The following CDKAL1 variants were observed in gnomAD, a reference collection of about 807,000 sequenced individuals.
CDKAL1 encodes CDKAL1 threonylcarbamoyladenosine tRNA methylthiotransferase, also known as threonylcarbamoyladenosine tRNA methylthiotransferase.
A neutral mutation model predicts 68.2 loss-of-function variants in CDKAL1; 32 were observed. The ratio of observed to expected loss-of-function variants is 0.47; its 90% CI spans 0.35 to 0.63. The LOEUF is 0.63. CDKAL1 is among the 30% of genes least tolerant of loss of function. CDKAL1 has a pLI of 0.00. For missense variants in CDKAL1, 606 were observed against 696.7 expected (o/e 0.87, Z 1.47); for synonymous variants, 234 against 244.3 (o/e 0.96, Z 0.39).
chr6:20,870,771 G>A (rs1361434434), intron 9 of CDKAL1, among the ~76,000 whole-genome samples: 1 of 152,142 alleles, frequency 6.6e-6, no homozygotes, highest in African/African-American at 2.4e-5. Context: ...AATTGAAATT[G>A]AAAGTGTCAA....
chr6:20,753,171 C>A (rs1225440124), intron 6 of CDKAL1, among the ~76,000 whole-genome samples: 1 of 152,168 alleles, frequency 6.6e-6, no homozygotes, highest in Non-Finnish European at 1.5e-5. Context: ...AACTGCCTTT[C>A]ATTCTCCCTC....
intron 12 of CDKAL1, among the ~76,000 whole-genome samples, chr6:21,081,091 T>A (rs1243674239): frequency 2.0e-5 from 3 of 152,206 alleles, no homozygotes; most frequent in South Asian, 2.1e-4. Flanking sequence ...AAAATCATTT[T>A]AAAAAAATGC....
At chr6:20,844,806 T>C (rs1778315086) in intron 8 of CDKAL1, among the ~76,000 whole-genome samples, 2 of 152,098 alleles carry the variant, frequency 1.3e-5, no homozygotes, top group African/African-American at 4.8e-5. Context: ...GACAATAGAA[T>C]GGTTTTCCCT....
chr6:20,805,507 GC>G (rs1328548111), intron 8 of CDKAL1, among the ~76,000 whole-genome samples: 1 of 152,166 alleles, frequency 6.6e-6, no homozygotes, highest in Non-Finnish European at 1.5e-5. Flanking sequence ...CACTTTTAAG[GC>G]ACAGTGGAGT....
chr6:21,036,133 T>C (rs1037032093), intron 11 of CDKAL1, among the ~76,000 whole-genome samples: 1 of 152,212 alleles, frequency 6.6e-6, no homozygotes, highest in Non-Finnish European at 1.5e-5. Context: ...GCATGGTAAC[T>C]GCATAAAGCA....
intron 7 of CDKAL1, among the ~76,000 whole-genome samples, chr6:20,764,525 A>G (rs1459504619): frequency 1.3e-5 from 2 of 152,210 alleles, no homozygotes; most frequent in Admixed American, 6.5e-5. Flanking sequence ...AGACATTGCT[A>G]CTAATCTTCA....
chr6:20,821,817 G>A (rs1777290398), intron 8 of CDKAL1, among the ~76,000 whole-genome samples: 2 of 152,036 alleles, frequency 1.3e-5, no homozygotes, highest in South Asian at 4.1e-4. Flanking sequence ...AACTTAACTT[G>A]GTACCTGACA....
At chr6:21,222,450 C>T (rs1779573550) in intron 15 of CDKAL1, among the ~76,000 whole-genome samples, 2 of 152,194 alleles carry the variant, frequency 1.3e-5, no homozygotes, top group African/African-American at 4.8e-5. Flanking sequence ...TTAATTCCAA[C>T]TTCAATTTGT....
chr6:20,941,359 G>A (rs577760826), intron 9 of CDKAL1, among the ~76,000 whole-genome samples: 13 of 152,062 alleles, frequency 8.5e-5, no homozygotes, highest in African/African-American at 3.1e-4. Context: ...CACTAAATTG[G>A]CATTAAAAAC....
intron 5 of CDKAL1, among the ~76,000 whole-genome samples, chr6:20,687,839 C>G (rs1770694314): frequency 6.6e-6 from 1 of 151,974 alleles, no homozygotes; most frequent in Non-Finnish European, 1.5e-5. Flanking sequence ...TTCTCTAGAT[C>G]CAAATTTCTG....
At chr6:20,639,076 T>G (rs1768041897) in intron 4 of CDKAL1, among the ~76,000 whole-genome samples, 1 of 152,186 alleles carries the variant, frequency 6.6e-6, no homozygotes, top group African/African-American at 2.4e-5. Context: ...CTGATTTGAC[T>G]ATGACCAGGC....
chr6:21,189,394 C>G lies in CDKAL1; in HGVS notation c.1300-8627C>G, dbSNP rs1562102577. 2.6e-5 allele frequency among the ~76,000 whole-genome samples: 4 copies of G among 152,332 alleles called. 1 individual carries two copies. Among genetic ancestry groups the G allele is most frequent in the Admixed American group, 2.6e-4 (4 of 15,300 alleles). On this transcript the variant is annotated intron_variant, in intron 13 of 15. Transcript: ENST00000274695. ...ATATATACTTAAAAATATGGCTACT[C>G]CACTTCAAAGGAACATTCTTCCCCT...
intron 12 of CDKAL1, among the ~76,000 whole-genome samples, chr6:21,107,314 G>A (rs1773898824): frequency 6.6e-6 from 1 of 152,204 alleles, no homozygotes; most frequent in South Asian, 2.1e-4. Flanking sequence ...GGTTGTCACA[G>A]ATACACTAAG....
chr6:20,724,631 G>T (rs957827436), intron 5 of CDKAL1, among the ~76,000 whole-genome samples: 1 of 152,090 alleles, frequency 6.6e-6, no homozygotes, highest in South Asian at 2.1e-4. Flanking sequence ...CCTGGGGGGC[G>T]GAGGTTGCAG....
intron 6 of CDKAL1, among the ~76,000 whole-genome samples, chr6:20,740,301 G>T (rs1773391492): frequency 6.6e-6 from 1 of 152,070 alleles, no homozygotes; most frequent in Non-Finnish European, 1.5e-5. Flanking sequence ...TCTTCCCGTT[G>T]TATTTCTGTT....
intron 7 of CDKAL1, among the ~76,000 whole-genome samples, chr6:20,760,478 A>G (rs770455785): frequency 5.3e-5 from 8 of 152,324 alleles, no homozygotes; most frequent in Non-Finnish European, 5.9e-5. Flanking sequence ...AACCTTCATA[A>G]TAGTACTGTG....
chr6:21,161,035 T>C (rs1776904225), intron 13 of CDKAL1, among the ~76,000 whole-genome samples: 1 of 152,058 alleles, frequency 6.6e-6, no homozygotes, highest in Non-Finnish European at 1.5e-5. Flanking sequence ...GAAGCCCCTT[T>C]TGTTGGCTGG....
chr6:21,159,501 G>A (rs1005132577), intron 13 of CDKAL1, among the ~76,000 whole-genome samples: 1 of 152,132 alleles, frequency 6.6e-6, no homozygotes, highest in Non-Finnish European at 1.5e-5. Context: ...CATCACACTT[G>A]CCATTTTATA....
intron 8 of CDKAL1, among the ~76,000 whole-genome samples, chr6:20,811,519 A>G (rs1776815867): frequency 1.3e-5 from 2 of 152,084 alleles, no homozygotes; most frequent in South Asian, 4.1e-4. Flanking sequence ...AGTTTTCCAC[A>G]TTCTGGATTT....
Sources: allele counts gnomAD v4.1 joint callset (sites outside exome capture counted in the v4.1 genomes callset), GRCh38; gene constraint gnomAD v4.1.1; transcripts MANE v1.5; gene names NCBI Gene and HGNC (gene_info 2026-07-23, HGNC 2026-07-21).